SEMA3A: variants seen among roughly 807,000 people sequenced by gnomAD.
SEMA3A encodes the protein semaphorin 3A.
A neutral mutation model predicts 97.9 loss-of-function variants in SEMA3A; 29 were observed. That is an observed-to-expected ratio of 0.30 (90% CI 0.22 to 0.40). The LOEUF is 0.40. Among genes scored for constraint, SEMA3A ranks in the 10% least tolerant of loss-of-function variants. The pLI is 1.00. For missense variants in SEMA3A, 763 were observed against 951.3 expected (o/e 0.80, Z 2.60); for synonymous variants, 321 against 323.7 (o/e 0.99, Z 0.09).
chr7:84,052,347 C>A (rs992819678), intron 5 of SEMA3A, among the ~76,000 whole-genome samples: 1 of 152,106 alleles, frequency 6.6e-6, no homozygotes, highest in South Asian at 2.1e-4. Flanking sequence ...GTCCTGCACT[C>A]TTTTTGGTTG....
intron 3 of SEMA3A, among the ~76,000 whole-genome samples, chr7:84,126,349 G>A (rs1425319017): frequency 6.6e-6 from 1 of 152,050 alleles, no homozygotes; most frequent in Non-Finnish European, 1.5e-5. Context: ...GAGACCACGG[G>A]CATGTGCCAC....
intron 1 of SEMA3A, among the ~76,000 whole-genome samples, chr7:84,431,618 C>G (rs1041138380): frequency 6.8e-6 from 1 of 146,704 alleles, no homozygotes; most frequent in African/African-American, 2.5e-5. Flanking sequence ...AATTAAAAAT[C>G]AGAGTTTTTT....
At chr7:84,382,151 A>C (rs1803277577) in intron 1 of SEMA3A, among the ~76,000 whole-genome samples, 4 of 152,080 alleles carry the variant, frequency 2.6e-5, no homozygotes, top group Admixed American at 2.6e-4. Context: ...TCTGTCGCCC[A>C]GACTAGTGTG....
At chr7:84,018,348 CACTT>C (rs760803079) in intron 6 of SEMA3A, among the ~76,000 whole-genome samples, 7 of 152,222 alleles carry the variant, frequency 4.6e-5, no homozygotes, top group Admixed American at 2.6e-4. Flanking sequence ...TTTATGTAAT[CACTT>C]ACTATTTATA....
chr7:84,336,620 G>T (rs1302771534), intron 2 of SEMA3A, among the ~76,000 whole-genome samples: 2 of 152,156 alleles, frequency 1.3e-5, no homozygotes, highest in Non-Finnish European at 2.9e-5. Context: ...GCCTGTGGGA[G>T]AAATGTGCTG....
At chr7:84,259,061 C>T (rs1799783564) in intron 3 of SEMA3A, among the ~76,000 whole-genome samples, 2 of 152,100 alleles carry the variant, frequency 1.3e-5, no homozygotes, top group Non-Finnish European at 2.9e-5. Flanking sequence ...CAGTATGTTT[C>T]AACAACCTCA....
At chr7:84,110,733 A>C (rs1795255918) in intron 3 of SEMA3A, 144 bp from the exon 4 acceptor site, 1 of 840,874 alleles carries the variant, frequency 1.2e-6, no homozygotes, top group African/African-American at 1.8e-5. Context: ...CATTTTAAGG[A>C]CTTATTTATT....
At chr7:84,272,433 A>G (rs974374874) in intron 3 of SEMA3A, among the ~76,000 whole-genome samples, 1 of 152,076 alleles carries the variant, frequency 6.6e-6, no homozygotes, top group African/African-American at 2.4e-5. Flanking sequence ...TTAATACCAG[A>G]TTTAACTGAG....
At chr7:84,441,367 A>G (rs1410547773) in intron 1 of SEMA3A, among the ~76,000 whole-genome samples, 1 of 151,826 alleles carries the variant, frequency 6.6e-6, no homozygotes, top group African/African-American at 2.4e-5. Context: ...AACAAAACCA[A>G]AAAGAAATTC....
At chr7:84,313,526 G>A (rs1480244590) in intron 2 of SEMA3A, among the ~76,000 whole-genome samples, 1 of 150,122 alleles carries the variant, frequency 6.7e-6, no homozygotes, top group African/African-American at 2.4e-5. Flanking sequence ...ATTATTTGCA[G>A]TATAGTTTTA....
chr7:84,466,468 C>T (rs988121298), intron 1 of SEMA3A, among the ~76,000 whole-genome samples: 2 of 152,280 alleles, frequency 1.3e-5, no homozygotes, highest in Admixed American at 6.5e-5. Context: ...CCGCCGCACC[C>T]AGCCTCCAAC....
chr7:84,276,222 A>T (rs1002923476), intron 3 of SEMA3A, among the ~76,000 whole-genome samples: 3 of 152,130 alleles, frequency 2.0e-5, no homozygotes, highest in Admixed American at 6.6e-5. Context: ...GCACTGGGGT[A>T]TAACACTGAA....
chr7:84,141,342 C>T (rs73380807), intron 1 of SEMA3A, among the ~76,000 whole-genome samples: 4,410 of 152,234 alleles, frequency 0.029, 158 homozygotes, highest in African/African-American at 0.084. Context: ...AGCTCTACCA[C>T]CTTTTCCTAG....
At chr7:84,412,893 G>A (rs1804310634) in intron 1 of SEMA3A, among the ~76,000 whole-genome samples, 1 of 151,910 alleles carries the variant, frequency 6.6e-6, no homozygotes, top group Non-Finnish European at 1.5e-5. Flanking sequence ...AAAGAGTCCT[G>A]CATAAAGATG....
intron 1 of SEMA3A, among the ~76,000 whole-genome samples, chr7:84,460,747 C>G (rs969742679): frequency 6.6e-6 from 1 of 152,106 alleles, no homozygotes; most frequent in Non-Finnish European, 1.5e-5. Context: ...ATACACAAAG[C>G]TTTATGGATA....
At chr7:84,200,261 T>C (rs1219653597) in intron 3 of SEMA3A, among the ~76,000 whole-genome samples, 1 of 152,144 alleles carries the variant, frequency 6.6e-6, no homozygotes, top group Non-Finnish European at 1.5e-5. Context: ...TTCCTTGTTT[T>C]TCAAATGAAT....
chr7:84,170,789 T>C (rs1797361073), intron 1 of SEMA3A, among the ~76,000 whole-genome samples: 1 of 152,086 alleles, frequency 6.6e-6, no homozygotes, highest in Non-Finnish European at 1.5e-5. Flanking sequence ...TGTGTGGCTT[T>C]ATGTTTGCCA....
At chr7:84,048,433 A>AT (rs1032929113) in intron 5 of SEMA3A, among the ~76,000 whole-genome samples, 12 of 151,962 alleles carry the variant, frequency 7.9e-5, no homozygotes, top group African/African-American at 2.9e-4. Flanking sequence ...GTAATATCTA[A>AT]TTTTTTCCCA....
At chr7:84,007,675 C>T (rs982739908) in intron 9 of SEMA3A, among the ~76,000 whole-genome samples, 178 bp from the exon 10 acceptor site, 1 of 151,874 alleles carries the variant, frequency 6.6e-6, no homozygotes, top group African/African-American at 2.4e-5. Context: ...CACAAAAGAA[C>T]AAAAAATTGT....
Sources: gnomAD v4.1 joint callset for allele counts (sites outside exome capture counted in the v4.1 genomes callset) on GRCh38, gnomAD v4.1.1 for gene constraint, MANE v1.5 for transcripts, NCBI Gene and HGNC (gene_info 2026-07-23, HGNC 2026-07-21) for gene names.